Variants in RBFOX1 observed in about 807,000 individuals in gnomAD.
The protein encoded by RBFOX1 is RNA binding protein fox-1 homolog 1.
Under a neutral mutation model 57.7 loss-of-function variants are expected in RBFOX1, and 8 were observed. That is an observed-to-expected ratio of 0.14 (90% CI 0.08 to 0.25). The LOEUF is 0.25. RBFOX1 is among the 10% of genes least tolerant of loss of function. The pLI, the probability that RBFOX1 is intolerant of heterozygous loss-of-function variation, is 1.00. For synonymous variants in RBFOX1, 326 were observed against 222.4 expected (o/e 1.47, Z -4.15); for missense variants, 611 against 548.5 (o/e 1.11, Z -1.14).
intron 2 of RBFOX1, among the ~76,000 whole-genome samples, chr16:6,370,847 A>T (rs1050796297): frequency 6.6e-6 from 1 of 152,200 alleles, no homozygotes; most frequent in African/African-American, 2.4e-5. Context: ...TGTAATGTAT[A>T]TTTTGCTACA....
At position 5,394,819 on chromosome 16, in the gene RBFOX1, GGATT is replaced by G. The variant is rs2066506294; in HGVS notation, c.220-72396_220-72393del. Among the ~76,000 whole-genome samples, 6 of 152,156 alleles carry G rather than the reference GGATT, an allele frequency of 3.9e-5. No homozygotes were observed. In the South Asian group the frequency reaches 1.2e-3, roughly 32 times the overall value. On this transcript the variant is annotated intron_variant, in intron 1 of 2. Transcript: ENST00000585867. Reference sequence around the variant, plus strand: ...CCCACCTTGGCTTCCCAAAATACTGGGATTACAGGTTTGAGCCGCTATGCCTGGC... The same window carrying G: ...CCCACCTTGGCTTCCCAAAATACTGGACAGGTTTGAGCCGCTATGCCTGGC...
At chr16:6,140,653 C>T (rs1177505741) in intron 1 of RBFOX1, among the ~76,000 whole-genome samples, 1 of 152,172 alleles carries the variant, frequency 6.6e-6, no homozygotes, top group Non-Finnish European at 1.5e-5. Flanking sequence ...CTCCTTCCCT[C>T]CTGTCTGTGT....
chr16:7,542,699 GAAAAAA>G (rs59316335), intron 5 of RBFOX1, among the ~76,000 whole-genome samples: 3 of 74,364 alleles, frequency 4.0e-5, no homozygotes, highest in Non-Finnish European at 7.4e-5. Context: ...TACTAAAAAT[GAAAAAA>G]AAAAAAAAAA....
At chr16:5,605,281 TTC>T (rs145945342) in intron 3 of RBFOX1, among the ~76,000 whole-genome samples, 1,817 of 152,324 alleles carry the variant, frequency 0.012, 37 homozygotes, top group African/African-American at 0.041. Context: ...AAATGAGGGT[TTC>T]TCAGGCTCTT....
chr16:5,587,635 C>G (rs933202626), intron 2 of RBFOX1, among the ~76,000 whole-genome samples: 1 of 152,190 alleles, frequency 6.6e-6, no homozygotes, highest in African/African-American at 2.4e-5. Flanking sequence ...ATCACTAGAA[C>G]CCAGGAGGCA....
intron 4 of RBFOX1, among the ~76,000 whole-genome samples, chr16:7,479,888 G>C (rs2063528107): frequency 1.3e-5 from 2 of 152,210 alleles, no homozygotes; most frequent in African/African-American, 4.8e-5. Flanking sequence ...TTAAATGTGA[G>C]TTTTTATCGG....
chr16:7,206,317 C>T lies in RBFOX1; in HGVS notation c.27+154219C>T, dbSNP rs138689645. 1.9e-3 allele frequency among the ~76,000 whole-genome samples: 296 copies of T among 151,976 alleles called. 3 individuals carry two copies. The highest frequency in any genetic ancestry group is 0.013 in the East Asian group (67 of 5,158). On this transcript the variant is annotated intron_variant, in intron 4 of 15. Transcript: ENST00000550418. ...TAGGTGAAAGTTTTCAGGTTGTGTACCATGCAATTGGTTTGACTTTGCCTT... is the reference window on the plus strand; with the variant it reads ...TAGGTGAAAGTTTTCAGGTTGTGTATCATGCAATTGGTTTGACTTTGCCTT...
intron 1 of RBFOX1, among the ~76,000 whole-genome samples, chr16:6,036,509 C>T (rs2095367574): frequency 6.6e-6 from 1 of 152,042 alleles, no homozygotes; most frequent in Admixed American, 6.6e-5. Context: ...AAATACCTAT[C>T]ACTTAGATAG....
intron 4 of RBFOX1, among the ~76,000 whole-genome samples, chr16:7,242,186 C>T (rs1055896321): frequency 6.6e-6 from 1 of 152,112 alleles, no homozygotes; most frequent in Non-Finnish European, 1.5e-5. Flanking sequence ...CATGCACTTA[C>T]TGTAAGAGAC....
chr16:5,876,700 C>T (rs1186093400), intron 4 of RBFOX1, among the ~76,000 whole-genome samples: 1 of 152,180 alleles, frequency 6.6e-6, no homozygotes, highest in South Asian at 2.1e-4. Flanking sequence ...ATTTCCATAG[C>T]ATTATACATT....
chr16:5,721,367 G>A (rs934975585), intron 3 of RBFOX1, among the ~76,000 whole-genome samples: 5 of 152,116 alleles, frequency 3.3e-5, no homozygotes, highest in Admixed American at 3.3e-4. Context: ...GTATGTGGGT[G>A]CGGATTAGTT....
At chr16:5,951,701 C>T (rs974255523) in intron 4 of RBFOX1, among the ~76,000 whole-genome samples, 3 of 152,050 alleles carry the variant, frequency 2.0e-5, no homozygotes, top group Non-Finnish European at 4.4e-5. Flanking sequence ...CTCATCTTCA[C>T]AGGTAGCCAC....
chr16:6,663,259 C>T (rs917844790), intron 3 of RBFOX1, among the ~76,000 whole-genome samples: 1 of 152,178 alleles, frequency 6.6e-6, no homozygotes, highest in African/African-American at 2.4e-5. Flanking sequence ...CACCCAGGAA[C>T]TTGTCACAGA....
chr16:7,110,367 A>T (rs2064486543), intron 4 of RBFOX1, among the ~76,000 whole-genome samples: 1 of 150,284 alleles, frequency 6.7e-6, no homozygotes, highest in African/African-American at 2.4e-5. Flanking sequence ...ACTCTTAAAA[A>T]AAAGATCGTT....
chr16:6,657,122 C>CCTCTCCTCTCCTCTT (rs1217080652), intron 3 of RBFOX1, among the ~76,000 whole-genome samples: 5 of 147,552 alleles, frequency 3.4e-5, no homozygotes, highest in Non-Finnish European at 6.0e-5. Flanking sequence ...CCTCTCCTCT[C>CCTCTCCTCTCCTCTT]CTCTCCTCTC....
At chr16:5,470,937 C>G (rs745613283) in intron 2 of RBFOX1, among the ~76,000 whole-genome samples, 27 of 152,226 alleles carry the variant, frequency 1.8e-4, no homozygotes, top group Admixed American at 5.2e-4. Context: ...CTGCAACTTC[C>G]GCATCCTGGG....
intron 3 of RBFOX1, among the ~76,000 whole-genome samples, chr16:5,862,848 A>T (rs2057256798): frequency 6.6e-6 from 1 of 152,152 alleles, no homozygotes; most frequent in Non-Finnish European, 1.5e-5. Flanking sequence ...CACACACCAC[A>T]TACTGGTTTG....
rs986726764 is a variant in RBFOX1, at chr16:7,712,479, A to G, written c.*1734A>G. ...ATCAGTTGGATATTAAACCATCAAT[A>G]AAGTTTCACAAGATTTGAAAACAAA... On this transcript the variant is annotated 3_prime_UTR_variant, in exon 16 of 16. Coordinates refer to ENST00000550418, the MANE Select transcript of RBFOX1 (RefSeq NM_018723.4). 1 of 152,648 alleles carries G rather than the reference A, an allele frequency of 6.6e-6. No homozygotes were observed. The highest frequency in any genetic ancestry group is 6.5e-5 in the Admixed American group (1 of 15,288). 9.5% of individuals were successfully genotyped at this position (152,648 alleles called of 1,614,324 possible).
At chr16:5,642,963 G>A (rs1421143761) in intron 3 of RBFOX1, among the ~76,000 whole-genome samples, 1 of 152,152 alleles carries the variant, frequency 6.6e-6, no homozygotes, top group African/African-American at 2.4e-5. Flanking sequence ...AGTTCCTCCA[G>A]GGCTGGCCTA....
Sources: gnomAD v4.1 joint callset for allele counts (sites outside exome capture counted in the v4.1 genomes callset) on GRCh38, gnomAD v4.1.1 for gene constraint, MANE v1.5 for transcripts, NCBI Gene and HGNC (gene_info 2026-07-23, HGNC 2026-07-21) for gene names.